The following RPS6KB1 variants were observed in gnomAD, a reference collection of about 807,000 sequenced individuals.
RPS6KB1 encodes the protein ribosomal protein S6 kinase beta-1.
Under a neutral mutation model 70.2 loss-of-function variants are expected in RPS6KB1, and 12 were observed. The ratio of observed to expected loss-of-function variants is 0.17; its 90% CI spans 0.11 to 0.28. The LOEUF (loss-of-function observed/expected upper bound fraction) is 0.28, where lower values mean the gene tolerates loss of function less well. Among genes scored for constraint, RPS6KB1 ranks in the 10% least tolerant of loss-of-function variants. The pLI, the probability that RPS6KB1 is intolerant of heterozygous loss-of-function variation, is 1.00. For missense variants in RPS6KB1, 270 were observed against 646.6 expected (o/e 0.42, Z 6.32); for synonymous variants, 175 against 211.2 (o/e 0.83, Z 1.49).
intron 1 of RPS6KB1, among the ~76,000 whole-genome samples, chr17:59,909,752 G>A (rs1211632141): frequency 2.0e-5 from 3 of 151,962 alleles, no homozygotes. Context: ...GTTGACTCAC[G>A]CCTGTAATCC....
intron 7 of RPS6KB1, among the ~76,000 whole-genome samples, chr17:59,932,352 C>A (rs961404585): frequency 4.0e-5 from 6 of 151,844 alleles, no homozygotes; most frequent in Non-Finnish European, 8.8e-5. Flanking sequence ...GCGAAAGTTG[C>A]AGTGAGCCAA....
intron 1 of RPS6KB1, among the ~76,000 whole-genome samples, chr17:59,900,220 A>ACACACACACC (rs2041842199): frequency 7.3e-6 from 1 of 136,764 alleles, no homozygotes; most frequent in African/African-American, 3.0e-5. Flanking sequence ...ACACACACAC[A>ACACACACACC]CACACACACA....
In RPS6KB1 at chr17:59,936,889, C is replaced by T. The variant is rs766822282; in HGVS notation, c.1119+348C>T. Among the ~76,000 whole-genome samples the T allele has an allele frequency of 2.4e-3, 367 of 152,250 alleles. 5 individuals are homozygous for T. Among genetic ancestry groups the T allele is most frequent in the Non-Finnish European group, 7.5e-4 (51 of 68,018 alleles). ...TTTATTTTATTTTGAGATGGGGTCT[C>T]ACTCTGTCACCCAGGATGGAGTGCA... On this transcript the variant is annotated intron_variant, in intron 12 of 14. Transcript: ENST00000225577.
intron 1 of RPS6KB1, among the ~76,000 whole-genome samples, chr17:59,905,694 C>T (rs931834401): frequency 6.6e-6 from 1 of 151,978 alleles, no homozygotes; most frequent in East Asian, 1.9e-4. Context: ...TTAGTAGAGA[C>T]GGGGTTTCAC....
At chr17:59,924,822 T>C (rs1174396056) in intron 4 of RPS6KB1, among the ~76,000 whole-genome samples, 1 of 150,802 alleles carries the variant, frequency 6.6e-6, no homozygotes, top group African/African-American at 2.4e-5. Flanking sequence ...TTTATTTATT[T>C]ATTTATTTAT....
Position 59,946,827 on chromosome 17 carries a change from G to A in RPS6KB1, c.*39G>A, listed in dbSNP as rs1288410292. 1 of 1,608,704 alleles carries A rather than the reference G, an allele frequency of 6.2e-7. No homozygotes were observed. The highest frequency in any genetic ancestry group is 8.5e-7 in the Non-Finnish European group (1 of 1,176,284). ...TTAATGAATTTAAGGCAAAAAAGGT[G>A]GAGAGGGAGATGTGTGAGCATCCTG... On this transcript the variant is annotated 3_prime_UTR_variant, in exon 15 of 15. Coordinates refer to ENST00000225577, the MANE Select transcript of RPS6KB1 (RefSeq NM_003161.4). This position sits in a 1 kb window ranked among gnomAD's most constrained non-coding sequence, Gnocchi z 4.2.
chr17:59,949,271 CACAG>C lies in RPS6KB1; in HGVS notation c.*2489_*2492del, dbSNP rs935086415. 13 of 152,698 alleles carry C rather than the reference CACAG, an allele frequency of 8.5e-5. No homozygotes were observed. The highest frequency in any genetic ancestry group is 2.6e-4 in the Admixed American group (4 of 15,296). 9.5% of individuals were successfully genotyped at this position (152,698 alleles called of 1,614,324 possible). ...AACATGTCAAGTGTCACATTAGTGTCACAGACAGAAAGCACACACCTATGCAATA... is the reference window on the plus strand; with the variant it reads ...AACATGTCAAGTGTCACATTAGTGTCACAGAAAGCACACACCTATGCAATA... On this transcript the variant is annotated 3_prime_UTR_variant, in exon 15 of 15. Transcript: ENST00000225577.
intron 2 of RPS6KB1, among the ~76,000 whole-genome samples, chr17:59,910,990 T>G (rs1043574055): frequency 6.6e-5 from 10 of 152,006 alleles, no homozygotes; most frequent in Non-Finnish European, 1.5e-5. Flanking sequence ...AAACAGAAAT[T>G]CATGCAATCC....
chr17:59,895,718 C>T (rs573942663), intron 1 of RPS6KB1, among the ~76,000 whole-genome samples: 22 of 151,350 alleles, frequency 1.5e-4, no homozygotes, highest in South Asian at 6.3e-4. Context: ...CTGCAGCCTC[C>T]GCCTCCTGAG....
At chr17:59,929,186 A>G (rs1005765325) in intron 5 of RPS6KB1, among the ~76,000 whole-genome samples, 4 of 149,292 alleles carry the variant, frequency 2.7e-5, no homozygotes, top group Admixed American at 6.7e-5. Context: ...GCTGGAGTGC[A>G]GTGGCACGAT....
Position 59,931,996 on chromosome 17 carries a change from T to G in RPS6KB1, c.688+274T>G, listed in dbSNP as rs528296431. Among the ~76,000 whole-genome samples, 25 of 152,302 alleles carry G rather than the reference T, an allele frequency of 1.6e-4. No homozygotes were observed. In the East Asian group the frequency reaches 2.9e-3, roughly 18 times the overall value. ...TTTTCATGTTTTTGGAATCTTTACATCAAATGTTGTATAATGTTTTAGACT... is the reference window on the plus strand; with the variant it reads ...TTTTCATGTTTTTGGAATCTTTACAGCAAATGTTGTATAATGTTTTAGACT... On this transcript the variant is annotated intron_variant, in intron 7 of 14. Transcript: ENST00000225577.
intron 7 of RPS6KB1, among the ~76,000 whole-genome samples, chr17:59,933,795 A>T (rs1208363818): frequency 1.3e-5 from 2 of 152,254 alleles, no homozygotes; most frequent in Non-Finnish European, 2.9e-5. Flanking sequence ...CAAAAGGTAC[A>T]GAGTATGTTT....
chr17:59,934,155 A>T lies in RPS6KB1; in HGVS notation c.689-15A>T, dbSNP rs763952898. On this transcript the variant is annotated splice_polypyrimidine_tract_variant and intron_variant, in intron 7 of 14. Transcript: ENST00000225577. This position sits in a 1 kb window ranked among gnomAD's most constrained non-coding sequence, Gnocchi z 4.8. ...ATAATTCGGAGAATAATCATGCTGT[A>T]ATCTTTCATTGTAGGTCATGTGAAA... 4 of 1,449,174 alleles carry T rather than the reference A, an allele frequency of 2.8e-6. No homozygotes were observed. Among genetic ancestry groups the T allele is most frequent in the Non-Finnish European group, 3.9e-6 (4 of 1,029,938 alleles). The allele number at this position is 1,449,174 out of a possible 1,614,324, so 89.8% of individuals were successfully genotyped here. A position where few individuals can be genotyped will look rare whatever the true frequency, so the allele number is the denominator to read the frequency against.
Position 59,946,056 on chromosome 17 carries a change from C to T in RPS6KB1, c.1341-495C>T, listed in dbSNP as rs7217337. Among the ~76,000 whole-genome samples, 19,942 of 151,948 alleles carry T rather than the reference C, an allele frequency of 0.13. 1,570 individuals are homozygous for T. The highest frequency in any genetic ancestry group is 0.22 in the Middle Eastern group (66 of 294). ...TGGTGTAGTAACATCTAGCAGTGAA[C>T]GGAAAGAGCCAGCCCTACAAAAATA... is the stretch of plus-strand genomic sequence containing the variant. On this transcript the variant is annotated intron_variant, in intron 14 of 14. Transcript: ENST00000225577. This position sits in a 1 kb window ranked among gnomAD's most constrained non-coding sequence, Gnocchi z 4.2.
intron 1 of RPS6KB1, among the ~76,000 whole-genome samples, chr17:59,899,581 T>A (rs1252037543): frequency 6.6e-6 from 1 of 152,162 alleles, no homozygotes; most frequent in Non-Finnish European, 1.5e-5. Context: ...GAAGTTAGTC[T>A]TTTGTCATAA....
chr17:59,924,220 T>C (rs1269877555), intron 4 of RPS6KB1, among the ~76,000 whole-genome samples: 1 of 152,062 alleles, frequency 6.6e-6, no homozygotes, highest in South Asian at 2.1e-4. Context: ...TCCCAGCTAC[T>C]TGGGAGGCTG....
At chr17:59,917,186 A>G (rs1225194035) in intron 4 of RPS6KB1, among the ~76,000 whole-genome samples, 1 of 152,094 alleles carries the variant, frequency 6.6e-6, no homozygotes, top group South Asian at 2.1e-4. Context: ...TGACACAATT[A>G]TAGCTCAGTG....
At position 59,900,171 on chromosome 17, in the gene RPS6KB1, AACACACACACACACACAC is replaced by A. The variant is rs759914423; in HGVS notation, c.141+6889_141+6906del. ...CTGGGTGACAGAAACCTAATTGCTA[AACACACACACACACACAC>A]ACACACACACACACACACACACACA... On this transcript the variant is annotated intron_variant, in intron 1 of 14. Transcript: ENST00000225577. Among the ~76,000 whole-genome samples the A allele has an allele frequency of 2.3e-3, 238 of 102,492 alleles. 3 individuals carry two copies. Among genetic ancestry groups the A allele is most frequent in the African/African-American group, 4.4e-3 (128 of 28,908 alleles). The allele number at this position is 102,492 out of a possible 152,430, so 67.2% of individuals were successfully genotyped here.
chr17:59,941,387 T>G (rs1186008329), intron 13 of RPS6KB1, among the ~76,000 whole-genome samples: 1 of 151,200 alleles, frequency 6.6e-6, no homozygotes, highest in Non-Finnish European at 1.5e-5. Flanking sequence ...TGTAGTGGTG[T>G]GATCACAGTT....
Sources: allele counts gnomAD v4.1 joint callset (sites outside exome capture counted in the v4.1 genomes callset), GRCh38; gene constraint gnomAD v4.1.1; non-coding constraint Gnocchi (gnomAD v3.1); transcripts MANE v1.5; gene names NCBI Gene and HGNC (gene_info 2026-07-23, HGNC 2026-07-21).